The following NUP37 variants were observed in gnomAD, a reference collection of about 807,000 sequenced individuals.
NUP37 encodes the protein nucleoporin 37, also known as nucleoporin Nup37.
NUP37 carries 33 observed loss-of-function variants against 45.4 expected under a neutral mutation model. The observed-to-expected ratio is 0.73, with a 90% CI of 0.55 to 0.97. The LOEUF is 0.97. Ranked by LOEUF, NUP37 falls within the 50% of genes least tolerant of loss-of-function variation. The pLI, the probability that NUP37 is intolerant of heterozygous loss-of-function variation, is 0.00. For synonymous variants in NUP37, 127 were observed against 130.7 expected (o/e 0.97, Z 0.19); for missense variants, 365 against 389.7 (o/e 0.94, Z 0.53).
chr12:102,098,105 C>G (rs1342451346), intron 5 of NUP37, among the ~76,000 whole-genome samples: 2 of 152,146 alleles, frequency 1.3e-5, no homozygotes, highest in Non-Finnish European at 2.9e-5. Flanking sequence ...AGCAGTTTTT[C>G]TCTCCCTCAC....
chr12:102,097,563 AAAAC>A (rs148117644), intron 5 of NUP37, among the ~76,000 whole-genome samples: 23,254 of 152,014 alleles, frequency 0.15, 2,192 homozygotes, highest in South Asian at 0.26. Flanking sequence ...GAGTCATAAG[AAAAC>A]AAACAAACAA....
chr12:102,074,515 T>A (rs764291515), intron 9 of NUP37, 48 bp from the exon 10 acceptor site: 3 of 1,083,686 alleles, frequency 2.8e-6, no homozygotes, highest in Non-Finnish European at 4.1e-6. Context: ...TCCCCAAAAT[T>A]AATAAATAAA....
chr12:102,118,402 A>C lies in NUP37; in HGVS notation c.117T>G (p.Gly39=). 1 of 1,614,012 alleles carries C rather than the reference A, an allele frequency of 6.2e-7. No individual in the cohort carries two copies. Among genetic ancestry groups the C allele is most frequent in the Non-Finnish European group, 8.5e-7 (1 of 1,179,994 alleles). The change falls in exon 2 of 10, where the codon GGT becomes GGG. Residue 39 remains glycine (G), a synonymous_variant. Coordinates refer to ENST00000552283, the MANE Select transcript of NUP37 (RefSeq NM_024057.4). The part of the protein sequence containing the change: ...NGDSGNLIAY[G]GNNYVVIGTC... ...TGCCAATGACCACATAATTATTGCC[A>C]CCATATGCAATTAGGTTTCCTGAAT...
chr12:102,107,029 T>C (rs1276364467), intron 3 of NUP37, among the ~76,000 whole-genome samples: 1 of 152,202 alleles, frequency 6.6e-6, no homozygotes, highest in African/African-American at 2.4e-5. Context: ...CCACATGTAG[T>C]TGCATTTCTT....
chr12:102,118,229 TTCTC>T (rs1406175681), intron 2 of NUP37, 130 bp downstream of exon 2: 7 of 877,676 alleles, frequency 8.0e-6, no homozygotes, highest in Admixed American at 5.4e-5. Context: ...GGGAACATCT[TTCTC>T]TATGGATCTT....
At chr12:102,090,235 TC>T (rs1879610197) in intron 5 of NUP37, among the ~76,000 whole-genome samples, 1 of 151,924 alleles carries the variant, frequency 6.6e-6, no homozygotes, top group African/African-American at 2.4e-5. Flanking sequence ...ATTTCTCAAC[TC>T]TTTTTTTTTT....
chr12:102,118,406 T>C lies in NUP37; in HGVS notation c.113A>G (p.Tyr38Cys), dbSNP rs1420958721. The change falls in exon 2 of 10, where the codon TAT (tyrosine) becomes TGT (cysteine). Residue 38 changes from tyrosine to cysteine, a missense_variant. Coordinates refer to ENST00000552283, the MANE Select transcript of NUP37 (RefSeq NM_024057.4). Reference sequence around the variant, plus strand: ...AATGACCACATAATTATTGCCACCATATGCAATTAGGTTTCCTGAATCCCC... The same window carrying C: ...AATGACCACATAATTATTGCCACCACATGCAATTAGGTTTCCTGAATCCCC... ...ENGDSGNLIAYGGNNYVVIGT... is the reference protein window; with the variant it reads ...ENGDSGNLIACGGNNYVVIGT... 6.2e-7 allele frequency: 1 copy of C among 1,614,048 alleles called. No individual in the cohort carries two copies. Among genetic ancestry groups the C allele is most frequent in the Non-Finnish European group, 8.5e-7 (1 of 1,179,994 alleles).
chr12:102,118,736 T>A (rs1880573707), intron 1 of NUP37, among the ~76,000 whole-genome samples, 153 bp from the exon 2 acceptor site: 2 of 152,122 alleles, frequency 1.3e-5, no homozygotes, highest in South Asian at 4.1e-4. Context: ...AGGAAAAATA[T>A]TAAATCTAGT....
chr12:102,105,266 T>C (rs1233350238), intron 3 of NUP37, among the ~76,000 whole-genome samples: 1 of 152,156 alleles, frequency 6.6e-6, no homozygotes, highest in East Asian at 1.9e-4. Flanking sequence ...GGCTCATGCC[T>C]GTAATTCCAG....
chr12:102,079,629 T>C (rs529503097), intron 6 of NUP37, among the ~76,000 whole-genome samples: 1 of 152,284 alleles, frequency 6.6e-6, no homozygotes, highest in Non-Finnish European at 1.5e-5. Flanking sequence ...TAAACAAAGC[T>C]TACCTAACAC....
At chr12:102,100,399 G>A (rs559770473) in intron 4 of NUP37, among the ~76,000 whole-genome samples, 1 of 152,246 alleles carries the variant, frequency 6.6e-6, no homozygotes, top group East Asian at 1.9e-4. Flanking sequence ...CAATCTGAGG[G>A]TTATTATTAT....
intron 6 of NUP37, among the ~76,000 whole-genome samples, chr12:102,085,537 G>A (rs938278460): frequency 6.6e-6 from 1 of 152,122 alleles, no homozygotes; most frequent in Admixed American, 6.5e-5. Flanking sequence ...GTCAGGAAAA[G>A]TGTAGTTTGA....
chr12:102,099,116 G>A lies in NUP37; in HGVS notation c.439C>T (p.His147Tyr). The change falls in exon 5 of 10, where the codon CAC (histidine) becomes TAC (tyrosine). Residue 147 changes from histidine (H) to tyrosine (Y), a missense_variant. Coordinates refer to ENST00000552283, the MANE Select transcript of NUP37 (RefSeq NM_024057.4). The stretch of plus-strand genomic sequence containing the variant: ...ACATAAGCAACATACCTGCAGGTGT[G>A]ATCGTCACTCACACTTGCAATTTCT... ...GQEIASVSDD[H>Y]TCRIWNLEGV... The A allele has an allele frequency of 6.2e-7, 1 of 1,609,552 alleles. No homozygotes were observed. Among genetic ancestry groups the A allele is most frequent in the Non-Finnish European group, 8.5e-7 (1 of 1,175,976 alleles).
intron 6 of NUP37, chr12:102,079,159 A>T: frequency 2.2e-6 from 1 of 452,162 alleles, no homozygotes; most frequent in South Asian, 1.6e-5. Context: ...ATTTGGCATC[A>T]AAACTCCTGA....
At chr12:102,096,765 TATG>T (rs1879816694) in intron 5 of NUP37, among the ~76,000 whole-genome samples, 1 of 152,222 alleles carries the variant, frequency 6.6e-6, no homozygotes, top group South Asian at 2.1e-4. Context: ...TATGAGAGTG[TATG>T]ATACTATCTA....
At chr12:102,117,601 T>A (rs1880501559) in intron 2 of NUP37, among the ~76,000 whole-genome samples, 1 of 152,232 alleles carries the variant, frequency 6.6e-6, no homozygotes, top group African/African-American at 2.4e-5. Flanking sequence ...AATCTTACTT[T>A]GGTGATTAAA....
intron 5 of NUP37, among the ~76,000 whole-genome samples, chr12:102,089,655 A>C (rs1162093171): frequency 7.1e-6 from 1 of 141,608 alleles, no homozygotes; most frequent in Non-Finnish European, 1.5e-5. Flanking sequence ...GCGGCTGGGC[A>C]GAGGCGCTCC....
intron 5 of NUP37, among the ~76,000 whole-genome samples, chr12:102,097,663 A>AT (rs887462677): frequency 1.3e-5 from 2 of 152,104 alleles, no homozygotes; most frequent in Non-Finnish European, 2.9e-5. Context: ...AAAGACACTC[A>AT]TTTTTCCCCT....
In NUP37 at chr12:102,077,483, A is replaced by G; in HGVS notation, c.561T>C (p.Asn187=). ...AAAGATCATAAAACCGGATTGTTCC[A>G]TTCTTCTCTGCAACCATTAGCTGTA... ...ETFKLMVAEK[N]GTIRFYDLLA... is the part of the protein sequence containing the mutation. Residue 187 remains asparagine, a synonymous_variant, in exon 7 of 10, where the codon AAT becomes AAC. Transcript: ENST00000552283. 1 of 1,613,430 alleles carries G rather than the reference A, an allele frequency of 6.2e-7. No individual in the cohort carries two copies. Among genetic ancestry groups the G allele is most frequent in the Non-Finnish European group, 8.5e-7 (1 of 1,179,974 alleles).
Sources: gnomAD v4.1 joint callset for allele counts (sites outside exome capture counted in the v4.1 genomes callset) on GRCh38, gnomAD v4.1.1 for gene constraint, MANE v1.5 for transcripts, NCBI Gene and HGNC (gene_info 2026-07-23, HGNC 2026-07-21) for gene names.